CACNG6: variants seen among roughly 807,000 people sequenced by gnomAD.
CACNG6 encodes calcium voltage-gated channel auxiliary subunit gamma 6, also known as voltage-dependent calcium channel gamma-6 subunit.
Under a neutral mutation model 23.9 loss-of-function variants are expected in CACNG6, and 21 were observed. The ratio of observed to expected loss-of-function variants is 0.88; its 90% CI spans 0.62 to 1.26. The LOEUF is 1.26. Ranked by LOEUF, CACNG6 falls within the 50% of genes most tolerant of loss-of-function variation. The pLI, the probability that CACNG6 is intolerant of heterozygous loss-of-function variation, is 0.00. For synonymous variants in CACNG6, 182 were observed against 168.9 expected (o/e 1.08, Z -0.60); for missense variants, 340 against 352.9 (o/e 0.96, Z 0.29).
intron 2 of CACNG6, among the ~76,000 whole-genome samples, chr19:53,999,054 A>G (rs954514808): frequency 6.6e-6 from 1 of 150,754 alleles, no homozygotes; most frequent in Admixed American, 6.6e-5. Context: ...TCCCAGGAAA[A>G]TTTTTCACCA....
At chr19:54,008,642 A>G (rs2069672110) in intron 3 of CACNG6, among the ~76,000 whole-genome samples, 1 of 152,108 alleles carries the variant, frequency 6.6e-6, no homozygotes, top group South Asian at 2.1e-4. Context: ...TGCGTCCTAC[A>G]CAGGACCCTC....
At chr19:53,997,427 G>T (rs949885431) in intron 1 of CACNG6, among the ~76,000 whole-genome samples, 3 of 146,526 alleles carry the variant, frequency 2.0e-5, no homozygotes, top group Admixed American at 6.9e-5. Context: ...TTCCTGTTTT[G>T]TTTTTTTTTT....
Position 54,011,430 on chromosome 19 carries a change from CAA to C in CACNG6, c.545-499_545-498del, listed in dbSNP as rs59105087. ...TGGGTGACAGAGCAAGACTCCGTCT[CAA>C]AAAAAAAAAAAAAAAAAAAAACAAA... On this transcript the variant is annotated intron_variant, in intron 3 of 3. Coordinates refer to ENST00000252729, the MANE Select transcript of CACNG6 (RefSeq NM_145814.2). Among the ~76,000 whole-genome samples, 340 of 100,536 alleles carry C rather than the reference CAA, an allele frequency of 3.4e-3. 3 individuals carry two copies. The highest frequency in any genetic ancestry group is 4.1e-3 in the Non-Finnish European group (202 of 49,866). The allele number at this position is 100,536 out of a possible 152,430, so 66.0% of individuals were successfully genotyped here.
chr19:53,992,585 GT>G lies in CACNG6; in HGVS notation c.-288del. 3.8e-6 allele frequency: 1 copy of G among 261,050 alleles called. No individual in the cohort carries two copies. The highest frequency in any genetic ancestry group is 6.7e-5 in the East Asian group (1 of 14,950). The allele number at this position is 261,050 out of a possible 1,614,324, so 16.2% of individuals were successfully genotyped here. ...CTCTAAACCTCAGGGTGGGGGCCTT[GT>G]TTTTCCTCTGGGCCCCGTCTTCTTT... On this transcript the variant is annotated 5_prime_UTR_variant, in exon 1 of 4. Coordinates refer to ENST00000252729, the MANE Select transcript of CACNG6 (RefSeq NM_145814.2). This position sits in a 1 kb window ranked among gnomAD's most constrained non-coding sequence, Gnocchi z 4.1.
chr19:54,008,887 A>T (rs1224407857), intron 3 of CACNG6, among the ~76,000 whole-genome samples: 2 of 152,226 alleles, frequency 1.3e-5, no homozygotes, highest in African/African-American at 2.4e-5. Context: ...GGCAGCCTGC[A>T]GGCCCTCGAT....
chr19:54,011,126 G>A (rs2145969839), intron 3 of CACNG6, among the ~76,000 whole-genome samples: 1 of 148,226 alleles, frequency 6.7e-6, no homozygotes, highest in South Asian at 2.1e-4. Flanking sequence ...GCCGAGGTGG[G>A]TGGACCACTT....
In CACNG6 at chr19:53,993,042, G is replaced by C; in HGVS notation, c.165G>C (p.Leu55=). 7 of 1,501,312 alleles carry C rather than the reference G, an allele frequency of 4.7e-6. No homozygotes were observed. The highest frequency in any genetic ancestry group is 6.2e-6 in the Non-Finnish European group (7 of 1,125,790). 93.0% of individuals were successfully genotyped at this position (1,501,312 alleles called of 1,614,324 possible). A position where few individuals can be genotyped will look rare whatever the true frequency, so the allele number is the denominator to read the frequency against. The part of the protein sequence containing the change: ...LAAVGATLAV[L]SVGTEFWVEL... ...CCGTGGGCGCCACGCTGGCGGTGCT[G>C]TCCGTGGGCACCGAGTTCTGGGTGG... The change falls in exon 1 of 4, where the codon CTG becomes CTC. Residue 55 remains leucine, a synonymous_variant. Coordinates refer to ENST00000252729, the MANE Select transcript of CACNG6 (RefSeq NM_145814.2).
intron 3 of CACNG6, among the ~76,000 whole-genome samples, chr19:54,004,932 G>T (rs147311671): frequency 0.013 from 1,944 of 150,134 alleles, 55 homozygotes; most frequent in African/African-American, 0.046. Context: ...AATAAAAGAG[G>T]GGGGCGCGGT....
intron 3 of CACNG6, among the ~76,000 whole-genome samples, chr19:54,002,275 G>GTTTTGTTTTTTTTTTTTTTTTTTTT (rs2069585153): frequency 8.6e-6 from 1 of 116,436 alleles, no homozygotes; most frequent in African/African-American, 4.6e-5. Context: ...CGGTTTTTTT[G>GTTTTGTTTTTTTTTTTTTTTTTTTT]TTTTTTTTGT....
intron 1 of CACNG6, among the ~76,000 whole-genome samples, chr19:53,996,619 C>T (rs2069523829): frequency 6.6e-6 from 1 of 152,118 alleles, no homozygotes; most frequent in Non-Finnish European, 1.5e-5. Flanking sequence ...TCTCGAACTC[C>T]TGACCCCAAG....
chr19:54,006,842 TTTTA>T (rs903950767), intron 3 of CACNG6, among the ~76,000 whole-genome samples: 3 of 12,544 alleles, frequency 2.4e-4, no homozygotes, highest in African/African-American at 4.7e-4. Context: ...GCCTTCTTTT[TTTTA>T]TTTTGTTATT....
At chr19:54,009,448 TAAAAAAA>T (rs55798486) in intron 3 of CACNG6, among the ~76,000 whole-genome samples, 1 of 102,542 alleles carries the variant, frequency 9.8e-6, no homozygotes, top group East Asian at 2.9e-4. Context: ...AGACTCCATC[TAAAAAAA>T]AAAAAAAAAA....
intron 3 of CACNG6, among the ~76,000 whole-genome samples, chr19:54,009,287 G>A (rs2069678813): frequency 6.6e-6 from 1 of 152,060 alleles, no homozygotes; most frequent in Non-Finnish European, 1.5e-5. Context: ...CAGGCGTGGT[G>A]GCGTGTGTCT....
At chr19:53,997,955 T>C (rs1454518707) in intron 1 of CACNG6, among the ~76,000 whole-genome samples, 3 of 151,966 alleles carry the variant, frequency 2.0e-5, no homozygotes, top group African/African-American at 4.8e-5. Context: ...AGGAAAGAGA[T>C]TATTATCTCG....
Position 54,011,674 on chromosome 19 carries a change from C to G in CACNG6, c.545-277C>G, listed in dbSNP as rs1183697319. On this transcript the variant is annotated intron_variant, in intron 3 of 3. Coordinates refer to ENST00000252729, the MANE Select transcript of CACNG6 (RefSeq NM_145814.2). ...GTCTTCCCCAGCTGAAATTCTATAC[C>G]TGTTAAACACCAACTCCCCTTTTTC... Among the ~76,000 whole-genome samples the G allele has an allele frequency of 4.0e-5, 6 of 151,562 alleles. No homozygotes were observed. In the South Asian group the frequency reaches 1.2e-3, roughly 31 times the overall value.
chr19:54,010,845 C>T lies in CACNG6; in HGVS notation c.545-1106C>T, dbSNP rs368340927. On this transcript the variant is annotated intron_variant, in intron 3 of 3. Coordinates refer to ENST00000252729, the MANE Select transcript of CACNG6 (RefSeq NM_145814.2). ...ATCCTTCGTCCTCGGCGTCCCAAAG[C>T]GCTTGGATTACAGGTGTGAGCCACA... Among the ~76,000 whole-genome samples, 43 of 152,036 alleles carry T rather than the reference C, an allele frequency of 2.8e-4. No individual in the cohort carries two copies. In the East Asian group the frequency reaches 7.4e-3, roughly 26 times the overall value.
At chr19:53,996,788 A>G (rs2069525254) in intron 1 of CACNG6, among the ~76,000 whole-genome samples, 1 of 152,014 alleles carries the variant, frequency 6.6e-6, no homozygotes, top group South Asian at 2.1e-4. Context: ...TTTGACTTGG[A>G]AAATATATAG....
intron 3 of CACNG6, 51 bp downstream of exon 3, chr19:53,999,822 C>G (rs2069557649): frequency 1.9e-6 from 3 of 1,599,804 alleles, no homozygotes; most frequent in Non-Finnish European, 1.7e-6. Context: ...GGGAGGATCT[C>G]CAGGCACTGT....
intron 1 of CACNG6, among the ~76,000 whole-genome samples, chr19:53,995,477 A>T (rs1342587721): frequency 6.6e-6 from 1 of 152,012 alleles, no homozygotes; most frequent in Admixed American, 6.6e-5. Context: ...TCCAGATGGG[A>T]TGTGTCATGT....
Sources: allele counts gnomAD v4.1 joint callset (sites outside exome capture counted in the v4.1 genomes callset), GRCh38; gene constraint gnomAD v4.1.1; non-coding constraint Gnocchi (gnomAD v3.1); transcripts MANE v1.5; gene names NCBI Gene and HGNC (gene_info 2026-07-23, HGNC 2026-07-21).